The following SHISA9 variants were observed in gnomAD, a reference collection of about 807,000 sequenced individuals.
SHISA9 encodes protein shisa-9.
In SHISA9, 13 loss-of-function variants were observed where a neutral mutation model predicts 38.0. The ratio of observed to expected loss-of-function variants is 0.34; its 90% CI spans 0.22 to 0.54. The LOEUF is 0.54. Ranked by LOEUF, SHISA9 falls within the 20% of genes least tolerant of loss-of-function variation. The probability of loss-of-function intolerance (pLI) is 0.91; values close to 1 mark genes in which losing one functional copy is unlikely to be tolerated. For synonymous variants in SHISA9, 275 were observed against 242.0 expected, an observed-to-expected ratio of 1.14 and a Z score of -1.27; for missense variants, 538 against 575.8, an observed-to-expected ratio of 0.93 and a Z score of 0.67.
At chr16:13,127,118 CAG>C (rs906216406) in intron 2 of SHISA9, among the ~76,000 whole-genome samples, 3 of 107,238 alleles carry the variant, frequency 2.8e-5, no homozygotes, top group Non-Finnish European at 5.4e-5. Context: ...ACTGAGGGAA[CAG>C]AGAGAGGGAG....
the SHISA9 span, among the ~76,000 whole-genome samples, chr16:13,349,744 G>A: frequency 2.0e-5 from 3 of 152,138 alleles, no homozygotes; most frequent in African/African-American, 7.2e-5. Flanking sequence ...TACAAATATG[G>A]CATCTTAGAA....
chr16:13,082,951 G>A (rs1389903052), intron 2 of SHISA9, among the ~76,000 whole-genome samples: 1 of 152,170 alleles, frequency 6.6e-6, no homozygotes, highest in Non-Finnish European at 1.5e-5. Context: ...TAGAAATTGG[G>A]GTTTGGGCCA....
chr16:13,378,070 G>A, the SHISA9 span, among the ~76,000 whole-genome samples: 1 of 152,158 alleles, frequency 6.6e-6, no homozygotes, highest in Non-Finnish European at 1.5e-5. Context: ...GCCAACTGGA[G>A]AGCCCTGACA....
chr16:13,455,013 CT>C, the SHISA9 span, among the ~76,000 whole-genome samples: 75,391 of 150,620 alleles, frequency 0.5, 19,652 homozygotes, highest in South Asian at 0.76. Context: ...CAGCTACCTT[CT>C]TTTTTTTTTA....
At chr16:13,262,635 A>C in the SHISA9 span, among the ~76,000 whole-genome samples, 1 of 45,090 alleles carries the variant, frequency 2.2e-5, no homozygotes, top group South Asian at 9.0e-4. Flanking sequence ...TTATTGTGGA[A>C]GGAAGGAAGG....
the SHISA9 span, among the ~76,000 whole-genome samples, chr16:13,363,063 G>C: frequency 6.6e-6 from 1 of 152,270 alleles, no homozygotes; most frequent in East Asian, 1.9e-4. Context: ...GAAAATGCTC[G>C]ACCATGTGAT....
chr16:13,340,479 T>G, the SHISA9 span, among the ~76,000 whole-genome samples: 2 of 152,192 alleles, frequency 1.3e-5, no homozygotes, highest in Non-Finnish European at 1.5e-5. Context: ...TCCTGCCATG[T>G]GACCTCAGCC....
intron 2 of SHISA9, among the ~76,000 whole-genome samples, chr16:13,108,715 T>C (rs1474227758): frequency 6.6e-6 from 1 of 152,200 alleles, no homozygotes; most frequent in South Asian, 2.1e-4. Flanking sequence ...TGGAGCAAGA[T>C]TGCTTTTTAC....
chr16:13,270,475 T>C, the SHISA9 span, among the ~76,000 whole-genome samples: 1 of 152,150 alleles, frequency 6.6e-6, no homozygotes, highest in Non-Finnish European at 1.5e-5. Context: ...ATGAGGGCGA[T>C]AGAATGAGCT....
At chr16:13,431,412 C>T in the SHISA9 span, among the ~76,000 whole-genome samples, 60,682 of 152,020 alleles carry the variant, frequency 0.4, 12,299 homozygotes, top group Non-Finnish European at 0.41. Flanking sequence ...GAAATTTCCA[C>T]TGAACTCAAA....
the SHISA9 span, among the ~76,000 whole-genome samples, chr16:13,318,859 C>A: frequency 6.6e-6 from 1 of 152,224 alleles, no homozygotes; most frequent in Non-Finnish European, 1.5e-5. Flanking sequence ...AAACACACTT[C>A]AAATATCCTT....
At chr16:13,081,422 T>C (rs889863298) in intron 2 of SHISA9, among the ~76,000 whole-genome samples, 17 of 152,190 alleles carry the variant, frequency 1.1e-4, no homozygotes, top group African/African-American at 3.6e-4. Context: ...TCACGGCTAC[T>C]GTGAATAGGC....
chr16:13,338,112 C>CA, the SHISA9 span, among the ~76,000 whole-genome samples: 6 of 152,086 alleles, frequency 3.9e-5, no homozygotes, highest in Admixed American at 3.9e-4. Context: ...GTGAGGCTAC[C>CA]AGGGGCCTTC....
chr16:13,295,336 A>G, the SHISA9 span, among the ~76,000 whole-genome samples: 1 of 152,204 alleles, frequency 6.6e-6, no homozygotes, highest in Non-Finnish European at 1.5e-5. Flanking sequence ...GGAGGATTTT[A>G]TCAGCCTGAA....
chr16:12,995,626 A>G (rs2072448563), intron 2 of SHISA9, among the ~76,000 whole-genome samples: 2 of 152,100 alleles, frequency 1.3e-5, no homozygotes. Flanking sequence ...ATTTCCTTCC[A>G]CCTTCCCACT....
In SHISA9 at chr16:13,238,991, C is replaced by T. The variant is rs2051412626; in HGVS notation, c.*3582C>T. On this transcript the variant is annotated 3_prime_UTR_variant, in exon 5 of 5. Coordinates refer to ENST00000558583, the MANE Select transcript of SHISA9 (RefSeq NM_001145204.3). ...CTAATGCTATCCCTCCCCCCTCCCC[C>T]CACCCCACAACAGTCCCCAGAGTGT... 9.7e-6 allele frequency: 1 copy of T among 103,058 alleles called. No individual in the cohort carries two copies. Among genetic ancestry groups the T allele is most frequent in the Non-Finnish European group, 1.9e-5 (1 of 53,538 alleles). 6.4% of individuals were successfully genotyped at this position (103,058 alleles called of 1,614,324 possible).
Position 13,235,713 on chromosome 16 carries a change from G to A in SHISA9, c.*304G>A. On this transcript the variant is annotated 3_prime_UTR_variant, in exon 5 of 5. Transcript: ENST00000558583. Reference sequence around the variant, plus strand: ...CCAACTCACATGCCCAAACCGTGGGGCTGAGTTTTCTTTTCCTCCTAACTT... The same window carrying A: ...CCAACTCACATGCCCAAACCGTGGGACTGAGTTTTCTTTTCCTCCTAACTT... The A allele has an allele frequency of 2.9e-6, 1 of 341,860 alleles. No individual in the cohort carries two copies. Among genetic ancestry groups the A allele is most frequent in the Non-Finnish European group, 5.3e-6 (1 of 189,492 alleles). 21.2% of individuals were successfully genotyped at this position (341,860 alleles called of 1,614,324 possible). A position where few individuals can be genotyped will look rare whatever the true frequency, so the allele number is the denominator to read the frequency against.
chr16:13,219,867 A>T (rs2051205601), intron 4 of SHISA9, among the ~76,000 whole-genome samples: 1 of 152,198 alleles, frequency 6.6e-6, no homozygotes, highest in African/African-American at 2.4e-5. Context: ...CTGAGGCAGA[A>T]GAATCACTTG....
At chr16:13,126,886 G>C (rs1247494867) in intron 2 of SHISA9, among the ~76,000 whole-genome samples, 9 of 124,158 alleles carry the variant, frequency 7.2e-5, no homozygotes, top group Non-Finnish European at 1.5e-4. Context: ...GAGAGAAGGA[G>C]GAGGAGACTG....
Sources: gnomAD v4.1 joint callset for allele counts (sites outside exome capture counted in the v4.1 genomes callset) on GRCh38, gnomAD v4.1.1 for gene constraint, MANE v1.5 for transcripts, NCBI Gene and HGNC (gene_info 2026-07-23, HGNC 2026-07-21) for gene names.